MEGF6: variants seen among roughly 807,000 people sequenced by gnomAD.
MEGF6 encodes the protein multiple EGF like domains 6, also known as multiple epidermal growth factor-like domains protein 6.
Under a neutral mutation model 207.1 loss-of-function variants are expected in MEGF6, and 184 were observed. The ratio of observed to expected loss-of-function variants is 0.89; its 90% CI spans 0.79 to 1.00. The LOEUF is 1.00. Ranked by LOEUF, MEGF6 falls within the 50% of genes least tolerant of loss-of-function variation. The probability of loss-of-function intolerance (pLI) is 0.00; values close to 1 mark genes in which losing one functional copy is unlikely to be tolerated. For missense variants in MEGF6, 2,282 were observed against 2,202.9 expected (o/e 1.04, Z -0.72); for synonymous variants, 1,038 against 910.0 (o/e 1.14, Z -2.53).
chr1:3,516,437 G>A (rs1365568784), intron 5 of MEGF6, among the ~76,000 whole-genome samples: 1 of 152,180 alleles, frequency 6.6e-6, no homozygotes, highest in African/African-American at 2.4e-5. Context: ...CCGGGCAGGG[G>A]AGGCCGTCTG....
chr1:3,509,131 CCGA>C lies in MEGF6; in HGVS notation c.1469_1471del (p.Val490del), dbSNP rs764937632. On this transcript the variant is annotated inframe_deletion, in exon 12 of 37. Transcript: ENST00000356575. ...CAACTCTGCCTCTTCCTCATCGGCCCCGACGTCGTCATCCTGGAAGAGTTGCGG... is the reference window on the plus strand; with the variant it reads ...CAACTCTGCCTCTTCCTCATCGGCCCCGTCGTCATCCTGGAAGAGTTGCGG... 2.5e-6 allele frequency: 4 copies of C among 1,600,426 alleles called. No homozygotes were observed. The African/African-American group carries it at 5.4e-5, about 22-fold the overall frequency.
At chr1:3,541,208 G>A (rs984930361) in intron 4 of MEGF6, among the ~76,000 whole-genome samples, 8 of 152,232 alleles carry the variant, frequency 5.3e-5, no homozygotes, top group Admixed American at 2.6e-4. Context: ...GCCCCGTGGG[G>A]GGCCTCAGCA....
intron 2 of MEGF6, among the ~76,000 whole-genome samples, chr1:3,597,432 G>A (rs3001106): frequency 0.093 from 14,076 of 152,088 alleles, 953 homozygotes; most frequent in Admixed American, 0.17. Context: ...CCACCCTGAC[G>A]CCCTGTCTCC....
rs1296004364 is a variant in MEGF6, at chr1:3,494,619, C to G, written c.3994G>C (p.Glu1332Gln). 2 of 1,562,686 alleles carry G rather than the reference C, an allele frequency of 1.3e-6. No individual in the cohort carries two copies. Among genetic ancestry groups the G allele is most frequent in the South Asian group, 2.4e-5 (2 of 85,070 alleles). ...CGLGWTGRHC[E>Q]LACPPGRYGA... ...GCTGGCCCCGCACACTCACCCAGCT[C>G]GCAGTGCCGCCCCGTCCAGCCCAGG... Residue 1332 changes from glutamate to glutamine, a missense_variant, in exon 31 of 37, where the codon GAG becomes CAG. By Grantham distance (29) the Glu-to-Gln change is conservative (BLOSUM62 2). Transcript: ENST00000356575.
intron 8 of MEGF6, 81 bp from the exon 9 acceptor site, chr1:3,511,768 C>A: frequency 6.5e-7 from 1 of 1,546,866 alleles, no homozygotes; most frequent in Non-Finnish European, 8.8e-7. Flanking sequence ...TACCTCCACC[C>A]AGCAGCCAGC....
At chr1:3,609,041 C>T (rs1644291324) in intron 1 of MEGF6, among the ~76,000 whole-genome samples, 1 of 152,174 alleles carries the variant, frequency 6.6e-6, no homozygotes, top group African/African-American at 2.4e-5. Context: ...GCCAGTGGTT[C>T]AGGAACACTC....
intron 17 of MEGF6, among the ~76,000 whole-genome samples, chr1:3,504,340 G>C (rs1029177919): frequency 4.6e-5 from 7 of 152,114 alleles, no homozygotes; most frequent in Non-Finnish European, 8.8e-5. Flanking sequence ...TCATGCCGAG[G>C]GCGTCTTCCT....
At chr1:3,505,389 C>CT (rs1553192317) in intron 16 of MEGF6, 33 bp downstream of exon 16, 3 of 1,574,644 alleles carry the variant, frequency 1.9e-6, no homozygotes, top group Admixed American at 3.6e-5. Flanking sequence ...GACCCTGGCG[C>CT]CCCCCGCCCC....
chr1:3,585,826 T>G (rs1408293245), intron 3 of MEGF6, among the ~76,000 whole-genome samples: 1 of 140,470 alleles, frequency 7.1e-6, no homozygotes, highest in East Asian at 2.3e-4. Context: ...GTGTGACACA[T>G]GTCCTGTGTG....
At chr1:3,518,037 T>C (rs1028742109) in intron 5 of MEGF6, among the ~76,000 whole-genome samples, 15 of 152,344 alleles carry the variant, frequency 9.8e-5, no homozygotes, top group Admixed American at 8.5e-4. Context: ...TGCCAAGGCC[T>C]AACTTTGGTC....
In MEGF6 at chr1:3,511,860, G is replaced by T. The variant is rs4648391; in HGVS notation, c.976+146C>A. ...GGTCTGGGACCCCCTGCTCTCCCTCGACCCTCTGCTCACCAAGGGCTCACA... is the reference window on the plus strand; with the variant it reads ...GGTCTGGGACCCCCTGCTCTCCCTCTACCCTCTGCTCACCAAGGGCTCACA... On this transcript the variant is annotated intron_variant, in intron 8 of 36. Transcript: ENST00000356575. 325,110 of 1,443,446 alleles carry T rather than the reference G, an allele frequency of 0.23. 40,566 individuals are homozygous for T. The highest frequency in any genetic ancestry group is 0.49 in the East Asian group (19,838 of 40,360). 89.4% of individuals were successfully genotyped at this position (1,443,446 alleles called of 1,614,324 possible).
intron 4 of MEGF6, among the ~76,000 whole-genome samples, chr1:3,534,590 G>A (rs571823843): frequency 6.6e-5 from 10 of 152,170 alleles, no homozygotes; most frequent in Non-Finnish European, 1.3e-4. Flanking sequence ...GGGAGTGGGA[G>A]GCCGAGTCTG....
intron 3 of MEGF6, among the ~76,000 whole-genome samples, chr1:3,591,844 CGT>C: frequency 9.5e-6 from 1 of 105,446 alleles, no homozygotes; most frequent in South Asian, 3.8e-4. Flanking sequence ...ACCAAGGTCT[CGT>C]AGCTCACAAG....
intron 5 of MEGF6, among the ~76,000 whole-genome samples, chr1:3,519,421 T>C (rs2101129554): frequency 6.6e-6 from 1 of 152,336 alleles, no homozygotes; most frequent in Admixed American, 6.5e-5. Context: ...AGGTGGGAGC[T>C]GCACGGCGCA....
chr1:3,556,595 A>G lies in MEGF6; in HGVS notation c.481+23230T>C, dbSNP rs952368050. Among the ~76,000 whole-genome samples, 2 of 152,068 alleles carry G rather than the reference A, an allele frequency of 1.3e-5. No homozygotes were observed. The highest frequency in any genetic ancestry group is 4.8e-5 in the African/African-American group (2 of 41,410). ...AGCGGAACTACCTGCAAATGAGAGG[A>G]CAGAGGACCCGGTGACTGCCTGAGG... On this transcript the variant is annotated intron_variant, in intron 4 of 36. Coordinates refer to ENST00000356575, the MANE Select transcript of MEGF6 (RefSeq NM_001409.4). This position sits in a 1 kb window ranked among gnomAD's most constrained non-coding sequence, Gnocchi z 4.4.
intron 5 of MEGF6, among the ~76,000 whole-genome samples, chr1:3,518,194 G>A (rs920680142): frequency 6.6e-6 from 1 of 152,224 alleles, no homozygotes; most frequent in African/African-American, 2.4e-5. Flanking sequence ...AGAGGGAAGA[G>A]GGTGGGGCCC....
intron 4 of MEGF6, among the ~76,000 whole-genome samples, chr1:3,561,428 C>T (rs976719317): frequency 3.9e-5 from 6 of 152,206 alleles, no homozygotes; most frequent in African/African-American, 1.4e-4. Context: ...GTGGGGTCAC[C>T]CCGCTGGACC....
intron 4 of MEGF6, among the ~76,000 whole-genome samples, chr1:3,541,804 G>A (rs576772725): frequency 3.5e-4 from 54 of 152,174 alleles, no homozygotes; most frequent in Non-Finnish European, 6.9e-4. Context: ...ACAGACTCCC[G>A]GGCACAGGGG....
At chr1:3,529,013 A>C (rs1642058420) in intron 4 of MEGF6, among the ~76,000 whole-genome samples, 1 of 152,188 alleles carries the variant, frequency 6.6e-6, no homozygotes, top group Non-Finnish European at 1.5e-5. Flanking sequence ...CGGGGCTCCC[A>C]GTGCCAGCTC....
Sources: gnomAD v4.1 joint callset for allele counts (sites outside exome capture counted in the v4.1 genomes callset) on GRCh38, gnomAD v4.1.1 for gene constraint, Gnocchi (gnomAD v3.1) non-coding constraint, MANE v1.5 for transcripts, NCBI Gene and HGNC (gene_info 2026-07-23, HGNC 2026-07-21) for gene names.